The following GNG2 variants were observed in gnomAD, a reference collection of about 807,000 sequenced individuals.
GNG2 encodes the protein G protein subunit gamma 2.
Under a neutral mutation model 5.5 loss-of-function variants are expected in GNG2, and 5 were observed. The observed-to-expected ratio is 0.91, with a 90% CI of 0.48 to 1.92. The LOEUF (loss-of-function observed/expected upper bound fraction) is 1.92, where lower values mean the gene tolerates loss of function less well. Among genes scored for constraint, GNG2 ranks in the 30% most tolerant of loss-of-function variants. The probability of loss-of-function intolerance (pLI) is 0.01; values close to 1 mark genes in which losing one functional copy is unlikely to be tolerated. For synonymous variants in GNG2, 28 were observed against 32.0 expected (o/e 0.88, Z 0.42); for missense variants, 55 against 88.4 (o/e 0.62, Z 1.52).
chr14:51,882,991 C>A, intron 2 of GNG2, among the ~76,000 whole-genome samples: 1 of 127,370 alleles, frequency 7.9e-6, no homozygotes, highest in African/African-American at 3.1e-5. Flanking sequence ...GCCTGGGTGA[C>A]AGAGCGAGAC....
At chr14:51,862,951 G>C (rs957744178) in intron 1 of GNG2, among the ~76,000 whole-genome samples, 1 of 150,766 alleles carries the variant, frequency 6.6e-6, no homozygotes, top group African/African-American at 2.4e-5. Flanking sequence ...ACTGGCTTTT[G>C]AGGAGTAGAC....
intron 2 of GNG2, chr14:51,913,195 A>C (rs1215303815): frequency 6.6e-6 from 1 of 152,142 alleles, no homozygotes; most frequent in Non-Finnish European, 1.5e-5. Context: ...AAAAGTTAAT[A>C]AGTTGGAGGA....
intron 3 of GNG2, among the ~76,000 whole-genome samples, chr14:51,955,512 G>A (rs74051380): frequency 0.02 from 3,003 of 152,142 alleles, 108 homozygotes; most frequent in African/African-American, 0.068. Flanking sequence ...TGGTACTGGG[G>A]TACACAAGCA....
chr14:51,887,839 A>T (rs531137670), intron 2 of GNG2, among the ~76,000 whole-genome samples: 1 of 152,354 alleles, frequency 6.6e-6, no homozygotes, highest in East Asian at 1.9e-4. Context: ...AGTGTTTTCC[A>T]CACAGTAGTC....
At chr14:51,868,991 T>A (rs916192750) in intron 1 of GNG2, among the ~76,000 whole-genome samples, 12 of 152,236 alleles carry the variant, frequency 7.9e-5, no homozygotes, top group Admixed American at 3.3e-4. Flanking sequence ...TATCTTTATT[T>A]GAATAAAGAG....
chr14:51,829,036 A>T (rs1446391795), intron 2 of GNG2, among the ~76,000 whole-genome samples: 2 of 152,214 alleles, frequency 1.3e-5, no homozygotes, highest in African/African-American at 4.8e-5. Flanking sequence ...TTGCTCAGGA[A>T]TGATAGTCAC....
At chr14:51,943,482 A>G (rs1026230315) in intron 2 of GNG2, among the ~76,000 whole-genome samples, 1 of 152,260 alleles carries the variant, frequency 6.6e-6, no homozygotes, top group Non-Finnish European at 1.5e-5. Context: ...CTGCCTAAGC[A>G]TCTAATGGGA....
rs551424161 is a variant in GNG2 at position 51,854,792 on chromosome 14, C to T, written c.64+26985C>T. On this transcript the variant is annotated intron_variant, in intron 2 of 3. Coordinates refer to the GNG2 transcript ENST00000553432. ...CCTCCCAAGGTGCTGGGATTACAGG[C>T]GTGAGCCACCGCACCCGGCCGGCCG... 1.5e-3 allele frequency among the ~76,000 whole-genome samples: 233 copies of T among 152,256 alleles called. 1 individual carries two copies. Among genetic ancestry groups the T allele is most frequent in the African/African-American group, 5.4e-3 (224 of 41,556 alleles).
chr14:51,911,874 T>TG (rs1566681581), intron 2 of GNG2, among the ~76,000 whole-genome samples: 1 of 143,802 alleles, frequency 7.0e-6, no homozygotes, highest in African/African-American at 2.7e-5. Flanking sequence ...ATGTTTTTTT[T>TG]TTTTGTTGTT....
chr14:51,877,545 C>G, intron 1 of GNG2, 72 bp from the exon 2 acceptor site: 1 of 447,910 alleles, frequency 2.2e-6, no homozygotes, highest in South Asian at 1.6e-5. Context: ...ATTCATTCTA[C>G]TTATCCAGCT....
chr14:51,882,834 C>A (rs1238491372), intron 2 of GNG2, among the ~76,000 whole-genome samples: 4 of 151,528 alleles, frequency 2.6e-5, no homozygotes, highest in Non-Finnish European at 4.4e-5. Context: ...ACGGTGAAAC[C>A]CAGTCTTTAC....
chr14:51,833,436 T>C (rs10498434), intron 2 of GNG2, among the ~76,000 whole-genome samples: 3,338 of 152,324 alleles, frequency 0.022, 44 homozygotes, highest in Non-Finnish European at 0.03. Context: ...TGGCAACCCA[T>C]TATCTTTTCA....
chr14:51,881,062 G>T (rs80325358), intron 2 of GNG2, among the ~76,000 whole-genome samples: 2,041 of 150,080 alleles, frequency 0.014, 18 homozygotes, highest in South Asian at 0.022. Flanking sequence ...CAGTTCTCCT[G>T]TGTTACCAGC....
At chr14:51,844,933 G>T (rs1881581589) in intron 2 of GNG2, among the ~76,000 whole-genome samples, 1 of 151,998 alleles carries the variant, frequency 6.6e-6, no homozygotes, top group South Asian at 2.1e-4. Flanking sequence ...CACCATGTTG[G>T]GCAGGCTGGT....
At chr14:51,838,876 C>T (rs545903148) in intron 2 of GNG2, among the ~76,000 whole-genome samples, 14 of 152,266 alleles carry the variant, frequency 9.2e-5, no homozygotes, top group South Asian at 8.3e-4. Flanking sequence ...CACTGCACTG[C>T]AGCCTGGACA....
intron 2 of GNG2, among the ~76,000 whole-genome samples, chr14:51,935,325 C>A (rs11623924): frequency 0.041 from 6,302 of 152,216 alleles, 178 homozygotes; most frequent in East Asian, 0.12. Flanking sequence ...ACGCCCAGCC[C>A]AGCCCAGTTT....
chr14:51,837,763 T>C (rs370069909), intron 2 of GNG2, among the ~76,000 whole-genome samples: 36 of 152,238 alleles, frequency 2.4e-4, no homozygotes, highest in African/African-American at 8.4e-4. Flanking sequence ...CTGAAGTATT[T>C]ATAGAGGCTG....
chr14:51,908,706 A>C (rs1886107889), intron 2 of GNG2, among the ~76,000 whole-genome samples: 1 of 144,038 alleles, frequency 6.9e-6, no homozygotes, highest in Non-Finnish European at 1.5e-5. Flanking sequence ...AGTGGCTAGG[A>C]TTACAGGCGT....
chr14:51,895,169 G>A (rs1885115452), intron 2 of GNG2, among the ~76,000 whole-genome samples: 1 of 152,066 alleles, frequency 6.6e-6, no homozygotes, highest in South Asian at 2.1e-4. Flanking sequence ...AAAGAGAAGA[G>A]TTTACATGGA....
Sources: allele counts gnomAD v4.1 joint callset (sites outside exome capture counted in the v4.1 genomes callset), GRCh38; gene constraint gnomAD v4.1.1; transcripts MANE v1.5; gene names NCBI Gene and HGNC (gene_info 2026-07-23, HGNC 2026-07-21).